The following CP variants were observed in gnomAD, a reference collection of about 807,000 sequenced individuals.
CP encodes the protein caeruloplasmin.
In CP, 64 loss-of-function variants were observed where a neutral mutation model predicts 122.4. The observed-to-expected ratio is 0.52, with a 90% CI of 0.43 to 0.64. The LOEUF (loss-of-function observed/expected upper bound fraction) is 0.64. Among genes scored for constraint, CP ranks in the 30% least tolerant of loss-of-function variants. CP has a pLI of 0.00. For synonymous variants in CP, 440 were observed against 436.4 expected (o/e 1.01, Z -0.10); for missense variants, 1,167 against 1,284.4 (o/e 0.91, Z 1.40).
chr3:149,184,136 C>T (rs1417413579), intron 12 of CP, among the ~76,000 whole-genome samples: 1 of 142,688 alleles, frequency 7.0e-6, no homozygotes, highest in South Asian at 2.3e-4. Flanking sequence ...CCCGGGTTCA[C>T]GCCATTCTCC....
At chr3:149,164,904 C>T (rs1040882791) in intron 5 of CP, among the ~76,000 whole-genome samples, 4 of 152,048 alleles carry the variant, frequency 2.6e-5, no homozygotes, top group Non-Finnish European at 5.9e-5. Flanking sequence ...ATTTGCAATA[C>T]CTCATTTACA....
chr3:149,180,018 C>T, intron 14 of CP: 1 of 279,106 alleles, frequency 3.6e-6, no homozygotes, highest in Non-Finnish European at 6.9e-6. Flanking sequence ...ACTTTTTTCT[C>T]TTCAGATACC....
intron 9 of CP, among the ~76,000 whole-genome samples, chr3:149,190,636 C>T (rs1026223145): frequency 2.4e-5 from 3 of 126,280 alleles, no homozygotes; most frequent in South Asian, 2.6e-4. Flanking sequence ...CCAGCCTGGG[C>T]GACAGAGGAA....
chr3:149,195,114 T>A (rs1168943405), intron 9 of CP, among the ~76,000 whole-genome samples: 5 of 152,204 alleles, frequency 3.3e-5, no homozygotes, highest in Non-Finnish European at 7.3e-5. Flanking sequence ...ATAAATATGA[T>A]CCGCTCCTCG....
intron 2 of CP, among the ~76,000 whole-genome samples, chr3:149,211,872 G>A (rs1002100353): frequency 2.0e-5 from 3 of 152,152 alleles, no homozygotes; most frequent in Non-Finnish European, 2.9e-5. Flanking sequence ...CTGGGCTCTG[G>A]GAAAGAAGCT....
At chr3:149,202,295 G>A (rs1208307683) in intron 6 of CP, 54 bp from the exon 7 acceptor site, 45 of 1,612,186 alleles carry the variant, frequency 2.8e-5, no homozygotes, top group East Asian at 2.0e-4. Context: ...CAGAAAGCAG[G>A]TATTCACTTA....
Position 149,162,876 on chromosome 3 carries a change from C to T in CP, c.*14-1G>A, listed in dbSNP as rs773017257. The T allele has an allele frequency of 2.6e-5, 42 of 1,611,796 alleles. No homozygotes were observed. The South Asian group carries it at 4.6e-4, about 18-fold the overall frequency. The stretch of plus-strand genomic sequence containing the variant: ...CACACCATTGCGAACATCGGAGGAT[C>T]TGGTAAGATAATGGAATAATACCTT... On this transcript the variant is annotated splice_acceptor_variant, in intron 5 of 5. Coordinates refer to the CP transcript ENST00000479771. LOFTEE classifies it low-confidence loss of function (3UTR_SPLICE).
exon 6 of CP, chr3:149,162,440 AACAG>A: frequency 2.8e-6 from 3 of 1,088,460 alleles, no homozygotes; most frequent in Non-Finnish European, 1.4e-6. Context: ...TTATTGAAAA[AACAG>A]ACATACATAA....
chr3:149,186,422 G>A (rs1302193607), intron 11 of CP, 98 bp downstream of exon 11: 2 of 1,155,202 alleles, frequency 1.7e-6, no homozygotes, highest in African/African-American at 1.5e-5. Flanking sequence ...GAGGCTTGGG[G>A]AAGGGATAAG....
At chr3:149,201,281 C>G (rs943446708) in intron 7 of CP, among the ~76,000 whole-genome samples, 2 of 151,896 alleles carry the variant, frequency 1.3e-5, no homozygotes, top group Non-Finnish European at 2.9e-5. Flanking sequence ...CCACCACGCC[C>G]GGCTAATTTT....
intron 11 of CP, among the ~76,000 whole-genome samples, chr3:149,185,663 C>T (rs935703263): frequency 6.6e-6 from 1 of 152,092 alleles, no homozygotes; most frequent in African/African-American, 2.4e-5. Flanking sequence ...TTTCCTCTGC[C>T]TTCTCCCCAA....
At chr3:149,191,241 CTATT>C (rs756126519) in intron 9 of CP, among the ~76,000 whole-genome samples, 2 of 95,478 alleles carry the variant, frequency 2.1e-5, no homozygotes, top group African/African-American at 7.7e-5. Flanking sequence ...TCTCATTACG[CTATT>C]TTTTTTTTTT....
intron 6 of CP, 56 bp from the exon 7 acceptor site, chr3:149,202,297 A>G (rs1727386401): frequency 6.2e-7 from 1 of 1,611,970 alleles, no homozygotes; most frequent in Non-Finnish European, 8.5e-7. Context: ...GAAAGCAGGT[A>G]TTCACTTAAG....
chr3:149,176,513 ATCTGTTTTT>A, intron 17 of CP, 101 bp from the exon 18 acceptor site: 1 of 983,978 alleles, frequency 1.0e-6, no homozygotes, highest in South Asian at 1.4e-5. Context: ...AAATGGATAA[ATCTGTTTTT>A]AAAAAATCGA....
chr3:149,175,978 C>T, intron 18 of CP: 1 of 419,044 alleles, frequency 2.4e-6, no homozygotes, highest in Non-Finnish European at 4.3e-6. Context: ...ATGACTACTC[C>T]CTTATATCAG....
At chr3:149,171,530 A>G (rs1481905365), downstream of CP, among the ~76,000 whole-genome samples, 1 of 152,228 alleles carries the variant, frequency 6.6e-6, no homozygotes, top group Non-Finnish European at 1.5e-5. Flanking sequence ...AAAATAATAT[A>G]GTAATTCAGC....
chr3:149,170,893 T>A (rs1425440309), downstream of CP, among the ~76,000 whole-genome samples: 1 of 152,208 alleles, frequency 6.6e-6, no homozygotes, highest in Admixed American at 6.5e-5. Context: ...GTCACCCTTC[T>A]ATTCCGGGAG....
chr3:149,167,265 T>C (rs1326947422), intron 4 of CP: 22 of 1,569,886 alleles, frequency 1.4e-5, no homozygotes, highest in Non-Finnish European at 1.8e-5. Flanking sequence ...ATTATGTTTT[T>C]AGGCTTGATC....
At chr3:149,183,011 C>T (rs574523246) in intron 13 of CP, among the ~76,000 whole-genome samples, 15 of 152,086 alleles carry the variant, frequency 9.9e-5, no homozygotes, top group South Asian at 8.3e-4. Context: ...ATTAGCCAGG[C>T]GTGGTGGCCC....
Sources: allele counts gnomAD v4.1 joint callset (sites outside exome capture counted in the v4.1 genomes callset), GRCh38; gene constraint gnomAD v4.1.1; transcripts MANE v1.5; gene names NCBI Gene and HGNC (gene_info 2026-07-23, HGNC 2026-07-21).